The following CSNK2A1 variants were observed in gnomAD, a reference collection of about 807,000 sequenced individuals.
CSNK2A1 encodes casein kinase 2 alpha 1, also known as casein kinase II subunit alpha.
Under a neutral mutation model 62.9 loss-of-function variants are expected in CSNK2A1, and 10 were observed. The ratio of observed to expected loss-of-function variants is 0.16; its 90% CI spans 0.10 to 0.27. The LOEUF is 0.27. Among genes scored for constraint, CSNK2A1 ranks in the 10% least tolerant of loss-of-function variants. The probability of loss-of-function intolerance (pLI) is 1.00; values close to 1 mark genes in which losing one functional copy is unlikely to be tolerated. For synonymous variants in CSNK2A1, 124 were observed against 167.8 expected, an observed-to-expected ratio of 0.74 and a Z score of 2.02; for missense variants, 160 against 492.0, an observed-to-expected ratio of 0.33 and a Z score of 6.38.
At chr20:492,625 A>C (rs1600375946) in intron 8 of CSNK2A1, 1 of 439,532 alleles carries the variant, frequency 2.3e-6, no homozygotes, top group South Asian at 3.1e-5. Flanking sequence ...TGTCCCTACT[A>C]CCCAGCCTAT....
In CSNK2A1 at chr20:482,437, T is replaced by C. The variant is rs1296326868; in HGVS notation, c.*1524A>G. 6.6e-6 allele frequency: 1 copy of C among 152,232 alleles called. No homozygotes were observed. The highest frequency in any genetic ancestry group is 1.9e-4 in the East Asian group (1 of 5,202). 9.4% of individuals were successfully genotyped at this position (152,232 alleles called of 1,614,324 possible). A position where few individuals can be genotyped will look rare whatever the true frequency, so the allele number is the denominator to read the frequency against. The stretch of plus-strand genomic sequence containing the variant: ...ACAAACACACAAAAACTGGCGACTT[T>C]TTCCATCCCCAATCCCTGCACTGCT... On this transcript the variant is annotated 3_prime_UTR_variant, in exon 14 of 14. Coordinates refer to ENST00000217244, the MANE Select transcript of CSNK2A1 (RefSeq NM_177559.3).
intron 1 of CSNK2A1, among the ~76,000 whole-genome samples, chr20:530,451 G>C (rs899334104): frequency 6.7e-6 from 1 of 148,456 alleles, no homozygotes; most frequent in Admixed American, 6.7e-5. Flanking sequence ...ATGTGTACAA[G>C]TTTTTCACTT....
At chr20:519,228 G>A (rs553743246) in intron 2 of CSNK2A1, among the ~76,000 whole-genome samples, 48 of 152,292 alleles carry the variant, frequency 3.2e-4, no homozygotes, top group Non-Finnish European at 4.7e-4. Context: ...GTAAGCCACC[G>A]TGCCCAGCCA....
intron 1 of CSNK2A1, chr20:540,691 C>G (rs570402397): frequency 2.0e-5 from 3 of 152,318 alleles, no homozygotes; most frequent in South Asian, 4.1e-4. Flanking sequence ...CAATTCTAAC[C>G]TTTATCTACT....
intron 13 of CSNK2A1, 164 bp from the exon 14 acceptor site, chr20:484,240 T>A: frequency 1.8e-6 from 1 of 548,228 alleles, no homozygotes; most frequent in Non-Finnish European, 3.1e-6. Flanking sequence ...AAATTCAAGT[T>A]AAAGTGGCAA....
chr20:537,678 C>T (rs1216139713), intron 1 of CSNK2A1, among the ~76,000 whole-genome samples: 1 of 152,176 alleles, frequency 6.6e-6, no homozygotes, highest in Admixed American at 6.5e-5. Flanking sequence ...TGACATGCTA[C>T]TTTCGAAATT....
At chr20:484,975 G>A (rs2018040018) in intron 13 of CSNK2A1, among the ~76,000 whole-genome samples, 1 of 144,542 alleles carries the variant, frequency 6.9e-6, no homozygotes, top group East Asian at 2.2e-4. Context: ...GTTGAGGTGG[G>A]AGAATCGCTT....
chr20:522,064 C>A (rs1040100362), intron 2 of CSNK2A1, among the ~76,000 whole-genome samples: 1 of 152,230 alleles, frequency 6.6e-6, no homozygotes, highest in Admixed American at 6.5e-5. Context: ...CATTACTGCC[C>A]GAGCTCTGCC....
intron 13 of CSNK2A1, among the ~76,000 whole-genome samples, chr20:484,442 T>G (rs1252901642): frequency 6.6e-6 from 1 of 152,216 alleles, no homozygotes; most frequent in Non-Finnish European, 1.5e-5. Context: ...ATATGGCTAG[T>G]GCAACTGAGG....
At chr20:511,811 T>C (rs553308262) in intron 2 of CSNK2A1, among the ~76,000 whole-genome samples, 4 of 152,202 alleles carry the variant, frequency 2.6e-5, no homozygotes, top group Non-Finnish European at 2.9e-5. Flanking sequence ...AATGCTGCTA[T>C]GAACATAGGT....
intron 9 of CSNK2A1, among the ~76,000 whole-genome samples, chr20:491,689 C>T (rs1036842843): frequency 7.3e-5 from 11 of 151,442 alleles, no homozygotes; most frequent in Admixed American, 7.2e-4. Flanking sequence ...AACAAAAGGC[C>T]GGGCGTGGTG....
At chr20:486,596 T>A in intron 12 of CSNK2A1, 134 bp from the exon 13 acceptor site, 1 of 867,562 alleles carries the variant, frequency 1.2e-6, no homozygotes, top group Non-Finnish European at 1.7e-6. Flanking sequence ...GAACTTAAGG[T>A]GGCAATTGCC....
At chr20:491,831 G>A (rs1265644191) in intron 9 of CSNK2A1, among the ~76,000 whole-genome samples, 1 of 152,180 alleles carries the variant, frequency 6.6e-6, no homozygotes, top group Non-Finnish European at 1.5e-5. Flanking sequence ...GGCTGAGGCA[G>A]GAGAAAGGTG....
chr20:514,499 C>T (rs1237304021), intron 2 of CSNK2A1, among the ~76,000 whole-genome samples: 1 of 152,002 alleles, frequency 6.6e-6, no homozygotes, highest in Non-Finnish European at 1.5e-5. Context: ...GTGGTGCAAT[C>T]TCGCTCGGCT....
chr20:514,486 G>A (rs1270663567), intron 2 of CSNK2A1, among the ~76,000 whole-genome samples: 1 of 152,016 alleles, frequency 6.6e-6, no homozygotes, highest in Non-Finnish European at 1.5e-5. Context: ...AGGCTGGAGT[G>A]CAGTGGTGCA....
At position 473,395 on chromosome 20, in the gene CSNK2A1, TGG is replaced by T. The variant is rs557701603; in HGVS notation, c.*10564_*10565del. 1 of 152,616 alleles carries T rather than the reference TGG, an allele frequency of 6.6e-6. No individual in the cohort carries two copies. Among genetic ancestry groups the T allele is most frequent in the African/African-American group, 2.4e-5 (1 of 41,470 alleles). The allele number at this position is 152,616 out of a possible 1,614,324, so 9.5% of individuals were successfully genotyped here. ...AGTGCTCCTGTTCCTCCCCCAGTTC[TGG>T]GCCCAGTGTGTATTCCTGCCCCTGC... On this transcript the variant is annotated 3_prime_UTR_variant, in exon 14 of 14. Transcript: ENST00000217244.
At chr20:526,200 C>A (rs766638907) in intron 2 of CSNK2A1, among the ~76,000 whole-genome samples, 1 of 149,988 alleles carries the variant, frequency 6.7e-6, no homozygotes, top group Non-Finnish European at 1.5e-5. Context: ...GTGCTGAGCC[C>A]GTGGCTCATG....
chr20:506,374 G>C (rs941322596), intron 3 of CSNK2A1: 1 of 152,174 alleles, frequency 6.6e-6, no homozygotes, highest in South Asian at 2.1e-4. Context: ...AAGCTCTGGG[G>C]ATAGTCCATG....
At position 499,892 on chromosome 20, in the gene CSNK2A1, C is replaced by A; in HGVS notation, c.256G>T (p.Glu86Ter). 1 of 1,613,390 alleles carries A rather than the reference C, an allele frequency of 6.2e-7. No homozygotes were observed. The highest frequency in any genetic ancestry group is 2.2e-5 in the East Asian group (1 of 44,874). Residue 86 changes from glutamate to a stop codon, truncating the protein, a stop_gained, in exon 5 of 14, where the codon GAG (glutamate) becomes TAG (stop). Coordinates refer to ENST00000217244, the MANE Select transcript of CSNK2A1 (RefSeq NM_177559.3). LOFTEE classifies it high-confidence loss of function. The surrounding 1 kb of genome is among the most constrained non-coding windows in gnomAD (Gnocchi z 4.2). ...KKIKREIKIL[E>*]NLRGGPNIIT... ...ATGTTGGGACCTCCTCTCAAATTCT[C>A]CAAAATCTTTATTTCACGCTTAATT... is the stretch of plus-strand genomic sequence containing the variant.
Sources: allele counts gnomAD v4.1 joint callset (sites outside exome capture counted in the v4.1 genomes callset), GRCh38; gene constraint gnomAD v4.1.1; non-coding constraint Gnocchi (gnomAD v3.1); transcripts MANE v1.5; gene names NCBI Gene and HGNC (gene_info 2026-07-23, HGNC 2026-07-21).